Variants in NCALD observed in about 807,000 individuals in gnomAD.
NCALD encodes the protein neurocalcin delta.
In NCALD, 10 loss-of-function variants were observed where a neutral mutation model predicts 18.6. The observed-to-expected ratio is 0.54, with a 90% CI of 0.33 to 0.91. The LOEUF is 0.91. NCALD is among the 40% of genes least tolerant of loss of function. The pLI, the probability that NCALD is intolerant of heterozygous loss-of-function variation, is 0.03. For synonymous variants in NCALD, 88 were observed against 87.4 expected (o/e 1.01, Z -0.04); for missense variants, 184 against 247.6 (o/e 0.74, Z 1.72).
At chr8:101,831,283 T>A (rs755183559) in intron 4 of NCALD, among the ~76,000 whole-genome samples, 1 of 152,150 alleles carries the variant, frequency 6.6e-6, no homozygotes, top group African/African-American at 2.4e-5. Flanking sequence ...AAGGTTGCCA[T>A]GAGGATCAAA....
intron 1 of NCALD, among the ~76,000 whole-genome samples, chr8:102,060,370 C>T (rs1430684746): frequency 6.6e-6 from 1 of 152,214 alleles, no homozygotes; most frequent in Non-Finnish European, 1.5e-5. Flanking sequence ...GCATAGATCA[C>T]CCTGGATCTC....
rs546589061 is a variant in NCALD at position 101,861,347 on chromosome 8, G to A, written c.-20+25794C>T. On this transcript the variant is annotated intron_variant, in intron 4 of 6. Coordinates refer to the NCALD transcript ENST00000311028. ...GCTCACTAAATTCTTGCCACCCTCC[G>A]AGTCAGTGGCGTTTCTCAGCTTATA... is the stretch of plus-strand genomic sequence containing the variant. Among the ~76,000 whole-genome samples the A allele has an allele frequency of 7.9e-5, 12 of 152,114 alleles. 1 individual carries two copies. Among genetic ancestry groups the A allele is most frequent in the Non-Finnish European group, 1.3e-4 (9 of 67,984 alleles).
chr8:101,926,009 C>T lies in NCALD; in HGVS notation c.-156-10151G>A, dbSNP rs181339549. On this transcript the variant is annotated intron_variant, in intron 2 of 6. Coordinates refer to the NCALD transcript ENST00000311028. The stretch of plus-strand genomic sequence containing the variant: ...AGGCAGTTGTGTCTACCCGGTGTCC[C>T]GTCCTTGTGGAACTGTCTTCCCAGC... 1.2e-3 allele frequency among the ~76,000 whole-genome samples: 187 copies of T among 152,268 alleles called. 3 individuals are homozygous for T. Among genetic ancestry groups the T allele is most frequent in the Non-Finnish European group, 3.4e-4 (23 of 68,018 alleles).
At chr8:101,846,337 G>A (rs528859033) in intron 4 of NCALD, among the ~76,000 whole-genome samples, 1 of 152,282 alleles carries the variant, frequency 6.6e-6, no homozygotes, top group Admixed American at 6.5e-5. Context: ...CAACATCTCA[G>A]ATAATCTTTA....
intron 1 of NCALD, among the ~76,000 whole-genome samples, chr8:102,031,979 T>G (rs911172632): frequency 3.3e-5 from 5 of 152,294 alleles, no homozygotes; most frequent in Non-Finnish European, 7.4e-5. Flanking sequence ...CAGCCTCTTC[T>G]GCTAATTTTC....
At chr8:101,776,260 C>G (rs892052949) in intron 1 of NCALD, among the ~76,000 whole-genome samples, 1 of 152,120 alleles carries the variant, frequency 6.6e-6, no homozygotes, top group Admixed American at 6.5e-5. Context: ...TGGGATAATT[C>G]CCAGCAAATG....
At chr8:101,887,698 T>C (rs908052399) in intron 3 of NCALD, among the ~76,000 whole-genome samples, 5 of 151,814 alleles carry the variant, frequency 3.3e-5, no homozygotes, top group African/African-American at 1.2e-4. Context: ...TAATGTAATG[T>C]ATGTAATTTT....
chr8:101,731,228 G>A (rs537357409), intron 1 of NCALD, among the ~76,000 whole-genome samples: 10 of 152,298 alleles, frequency 6.6e-5, no homozygotes, highest in African/African-American at 2.2e-4. Flanking sequence ...AGGAGATGAC[G>A]TCAGCACCAT....
At chr8:101,868,113 C>T (rs1425445550) in intron 4 of NCALD, among the ~76,000 whole-genome samples, 1 of 152,202 alleles carries the variant, frequency 6.6e-6, no homozygotes, top group Non-Finnish European at 1.5e-5. Context: ...TTGACCACAG[C>T]CCACCTCCAG....
chr8:101,964,097 T>G (rs1283163861), intron 2 of NCALD, among the ~76,000 whole-genome samples: 1 of 152,184 alleles, frequency 6.6e-6, no homozygotes, highest in Non-Finnish European at 1.5e-5. Flanking sequence ...TTTAAAAATC[T>G]TGAAATATAC....
intron 1 of NCALD, among the ~76,000 whole-genome samples, chr8:102,023,406 C>CT (rs1441331085): frequency 2.0e-5 from 3 of 152,190 alleles, no homozygotes. Context: ...AAAAACATCT[C>CT]TTTTTTTCTT....
chr8:101,962,222 C>T (rs189873542), intron 2 of NCALD, among the ~76,000 whole-genome samples: 1 of 152,276 alleles, frequency 6.6e-6, no homozygotes, highest in East Asian at 1.9e-4. Flanking sequence ...AGTTTGAAAA[C>T]AATGCAATGT....
chr8:101,862,509 C>A (rs1470179446), intron 4 of NCALD, among the ~76,000 whole-genome samples: 1 of 152,138 alleles, frequency 6.6e-6, no homozygotes, highest in African/African-American at 2.4e-5. Context: ...CTTTGCTATG[C>A]TTTTTTCTAA....
chr8:101,764,757 TTAATCCTCC>T (rs1811273766), intron 1 of NCALD, among the ~76,000 whole-genome samples: 1 of 152,208 alleles, frequency 6.6e-6, no homozygotes, highest in Non-Finnish European at 1.5e-5. Flanking sequence ...GACACTCAAT[TTAATCCTCC>T]TAATAGTTTT....
chr8:101,783,413 T>A (rs1246726006), intron 1 of NCALD, among the ~76,000 whole-genome samples: 1 of 152,208 alleles, frequency 6.6e-6, no homozygotes, highest in Admixed American at 6.5e-5. Context: ...TTGGCAATTT[T>A]GTTAAGAGGC....
chr8:102,056,835 C>A (rs1442684063), intron 1 of NCALD, among the ~76,000 whole-genome samples: 2 of 152,248 alleles, frequency 1.3e-5, no homozygotes, highest in Admixed American at 1.3e-4. Context: ...CACTCTGTTT[C>A]TTAAACACTG....
intron 3 of NCALD, among the ~76,000 whole-genome samples, chr8:101,893,293 C>T (rs953056372): frequency 3.3e-5 from 5 of 151,140 alleles, no homozygotes; most frequent in African/African-American, 1.2e-4. Flanking sequence ...AAATAAAATA[C>T]TTTACAGACA....
At chr8:101,893,256 C>T (rs887608784) in intron 3 of NCALD, among the ~76,000 whole-genome samples, 1 of 151,392 alleles carries the variant, frequency 6.6e-6, no homozygotes, top group Non-Finnish European at 1.5e-5. Context: ...TCATATCTAG[C>T]CAAACTAAGC....
intron 4 of NCALD, among the ~76,000 whole-genome samples, chr8:101,809,046 A>C (rs774067724): frequency 8.5e-5 from 13 of 152,332 alleles, no homozygotes; most frequent in East Asian, 3.9e-4. Flanking sequence ...CATGTTTAAT[A>C]AGCTGTGGAA....
Sources: gnomAD v4.1 joint callset for allele counts (sites outside exome capture counted in the v4.1 genomes callset) on GRCh38, gnomAD v4.1.1 for gene constraint, MANE v1.5 for transcripts, NCBI Gene and HGNC (gene_info 2026-07-23, HGNC 2026-07-21) for gene names.